The following HS3ST5 variants were observed in gnomAD, a reference collection of about 807,000 sequenced individuals.
HS3ST5 encodes the protein heparan sulfate-glucosamine 3-sulfotransferase 5.
In HS3ST5, 10 loss-of-function variants were observed where a neutral mutation model predicts 25.4. The observed-to-expected ratio is 0.39, with a 90% CI of 0.24 to 0.67. The LOEUF is 0.67. Ranked by LOEUF, HS3ST5 falls within the 30% of genes least tolerant of loss-of-function variation. The pLI, the probability that HS3ST5 is intolerant of heterozygous loss-of-function variation, is 0.44. For missense variants in HS3ST5, 324 were observed against 420.7 expected (o/e 0.77, Z 2.01); for synonymous variants, 170 against 162.4 (o/e 1.05, Z -0.36).
intron 3 of HS3ST5, among the ~76,000 whole-genome samples, chr6:114,135,200 C>A (rs1777533379): frequency 1.3e-5 from 2 of 152,232 alleles, no homozygotes; most frequent in Admixed American, 1.3e-4. Context: ...GACAGTTGCT[C>A]TTCCTATAGG....
chr6:114,259,766 G>T (rs995969678), intron 1 of HS3ST5, among the ~76,000 whole-genome samples: 2 of 152,144 alleles, frequency 1.3e-5, no homozygotes, highest in Non-Finnish European at 2.9e-5. Context: ...AAGAGATATA[G>T]ATGTAGACAT....
At chr6:114,069,086 G>A (rs1447352222) in intron 3 of HS3ST5, among the ~76,000 whole-genome samples, 2 of 152,186 alleles carry the variant, frequency 1.3e-5, no homozygotes, top group Non-Finnish European at 2.9e-5. Context: ...GCTGCTCAAA[G>A]GCTTGTAGAC....
intron 3 of HS3ST5, among the ~76,000 whole-genome samples, chr6:114,110,412 G>A (rs1032313784): frequency 3.3e-5 from 5 of 152,072 alleles, no homozygotes; most frequent in Non-Finnish European, 7.4e-5. Context: ...AATGAAACAT[G>A]CTTTTGAGCA....
intron 3 of HS3ST5, among the ~76,000 whole-genome samples, chr6:114,094,632 G>C (rs980806223): frequency 1.3e-5 from 2 of 152,112 alleles, no homozygotes; most frequent in African/African-American, 4.8e-5. Flanking sequence ...TTTCCTTACA[G>C]CAATAGTTGG....
intron 3 of HS3ST5, among the ~76,000 whole-genome samples, chr6:114,151,947 A>G (rs1187180425): frequency 6.6e-6 from 1 of 151,596 alleles, no homozygotes; most frequent in Non-Finnish European, 1.5e-5. Context: ...ATTTTTTTTA[A>G]TTTTTGAGAC....
At chr6:114,073,320 A>G (rs1773935145) in intron 3 of HS3ST5, among the ~76,000 whole-genome samples, 3 of 152,252 alleles carry the variant, frequency 2.0e-5, no homozygotes, top group Admixed American at 1.3e-4. Flanking sequence ...GAGCTTCTGC[A>G]CAGCAAAAGA....
At chr6:114,291,040 A>G (rs1388432382) in intron 1 of HS3ST5, among the ~76,000 whole-genome samples, 2 of 151,806 alleles carry the variant, frequency 1.3e-5, no homozygotes, top group Admixed American at 1.3e-4. Context: ...TACACCAGGT[A>G]CTCTTTCTGT....
chr6:114,327,149 T>C (rs1442927998), intron 1 of HS3ST5, among the ~76,000 whole-genome samples: 3 of 152,218 alleles, frequency 2.0e-5, no homozygotes, highest in African/African-American at 7.2e-5. Flanking sequence ...TGATGACACA[T>C]TCTTTACCTT....
At chr6:114,321,178 C>T (rs1378264457) in intron 1 of HS3ST5, among the ~76,000 whole-genome samples, 2 of 152,014 alleles carry the variant, frequency 1.3e-5, no homozygotes, top group Non-Finnish European at 2.9e-5. Context: ...TAGAATGCTC[C>T]ACTTCCGCCT....
chr6:114,146,855 C>T lies in HS3ST5; in HGVS notation c.-33+21496G>A, dbSNP rs141872479. ...TACCCTCTGCCATGAGTAACAGCTC[C>T]GAGGCCTCCTGGGAAGCTGCCATGC... On this transcript the variant is annotated intron_variant, in intron 3 of 4. Transcript: ENST00000312719. Among the ~76,000 whole-genome samples, 749 of 152,244 alleles carry T rather than the reference C, an allele frequency of 4.9e-3. 7 individuals are homozygous for T. Among genetic ancestry groups the T allele is most frequent in the African/African-American group, 0.017 (698 of 41,542 alleles).
chr6:114,078,532 G>T (rs890866108), intron 3 of HS3ST5, among the ~76,000 whole-genome samples: 2 of 152,140 alleles, frequency 1.3e-5, no homozygotes, highest in African/African-American at 2.4e-5. Context: ...CATTTGTATA[G>T]TGCTTTTTCA....
At chr6:114,165,225 G>A (rs1779152968) in intron 3 of HS3ST5, among the ~76,000 whole-genome samples, 1 of 152,164 alleles carries the variant, frequency 6.6e-6, no homozygotes, top group Admixed American at 6.6e-5. Context: ...TTGGTTTAGT[G>A]ATTATGGCCA....
chr6:114,083,119 T>C (rs1774560371), intron 3 of HS3ST5, among the ~76,000 whole-genome samples: 1 of 152,160 alleles, frequency 6.6e-6, no homozygotes, highest in African/African-American at 2.4e-5. Flanking sequence ...TGAGCTCGAC[T>C]CCAACTGTGT....
intron 3 of HS3ST5, among the ~76,000 whole-genome samples, chr6:114,126,471 G>T (rs2114892859): frequency 6.6e-6 from 1 of 152,210 alleles, no homozygotes; most frequent in East Asian, 1.9e-4. Context: ...TTAAGAAACA[G>T]GATCCTCCAG....
chr6:114,267,167 T>C (rs1298453393), intron 1 of HS3ST5, among the ~76,000 whole-genome samples: 2 of 152,228 alleles, frequency 1.3e-5, no homozygotes, highest in African/African-American at 4.8e-5. Context: ...TAAAGGCTAA[T>C]TTAATAATGA....
At chr6:114,256,367 G>A (rs1772921186) in intron 1 of HS3ST5, among the ~76,000 whole-genome samples, 1 of 147,820 alleles carries the variant, frequency 6.8e-6, no homozygotes, top group African/African-American at 2.5e-5. Context: ...CAGCCTGGAG[G>A]ACAGAGCAAG....
In HS3ST5 at chr6:114,056,804, A is replaced by G. The variant is rs1378277324; in HGVS notation, c.*453T>C. On this transcript the variant is annotated 3_prime_UTR_variant, in exon 5 of 5. Coordinates refer to ENST00000312719, the MANE Select transcript of HS3ST5 (RefSeq NM_153612.4). ...AAATAGCATTTTCTGTTTTCATGGC[A>G]CCAATTCAGCATCTGAATTAAAGAG... The G allele has an allele frequency of 6.5e-6, 1 of 154,330 alleles. No homozygotes were observed. The highest frequency in any genetic ancestry group is 1.9e-4 in the East Asian group (1 of 5,218). 9.6% of individuals were successfully genotyped at this position (154,330 alleles called of 1,614,324 possible). A position where few individuals can be genotyped will look rare whatever the true frequency, so the allele number is the denominator to read the frequency against.
rs549119124 is a variant in HS3ST5 at position 114,131,570 on chromosome 6, A to G, written c.-33+36781T>C. On this transcript the variant is annotated intron_variant, in intron 3 of 4. Transcript: ENST00000312719. ...GAACATGGTGTTATATCATGATTAA[A>G]AAGTTGGAGAAGGGGGACAATTTGA... Among the ~76,000 whole-genome samples the G allele has an allele frequency of 3.3e-5, 5 of 152,298 alleles. No homozygotes were observed. In the South Asian group the frequency reaches 8.3e-4, roughly 25 times the overall value.
chr6:114,201,977 T>A (rs1274454315), intron 2 of HS3ST5, among the ~76,000 whole-genome samples: 1 of 151,916 alleles, frequency 6.6e-6, no homozygotes, highest in Non-Finnish European at 1.5e-5. Context: ...CATGATTCAA[T>A]TACCTCCCAC....
Sources: allele counts gnomAD v4.1 joint callset (sites outside exome capture counted in the v4.1 genomes callset), GRCh38; gene constraint gnomAD v4.1.1; transcripts MANE v1.5; gene names NCBI Gene and HGNC (gene_info 2026-07-23, HGNC 2026-07-21).